Variants in DLL1 observed in about 807,000 individuals in gnomAD.
The protein encoded by DLL1 is delta-like protein 1.
DLL1 carries 9 observed loss-of-function variants against 75.1 expected under a neutral mutation model. The ratio of observed to expected loss-of-function variants is 0.12; its 90% CI spans 0.07 to 0.21. DLL1 has a LOEUF of 0.21. Among genes scored for constraint, DLL1 ranks in the 10% least tolerant of loss-of-function variants. DLL1 has a pLI of 1.00. For synonymous variants in DLL1, 477 were observed against 418.3 expected (o/e 1.14, Z -1.71); for missense variants, 837 against 1,007.6 (o/e 0.83, Z 2.29).
In DLL1 at chr6:170,283,835, CG is replaced by C; in HGVS notation, c.1443del (p.Val482SerfsTer55). ...CAGGGTGCGTGCTCGCACCTGCTGA[CG>C]GGGGCACTGCAGTTCCTGCCCGTGT... ...PGYTGRNCSA[P>X]VSRCEHAPCH... is the part of the protein sequence containing the mutation. On this transcript the variant is annotated frameshift_variant, in exon 9 of 11. Transcript: ENST00000366756. LOFTEE classifies it high-confidence loss of function. The C allele has an allele frequency of 6.2e-7, 1 of 1,602,556 alleles. No individual in the cohort carries two copies.
chr6:170,287,761 G>A (rs1334559935), intron 4 of DLL1, among the ~76,000 whole-genome samples: 6 of 152,178 alleles, frequency 3.9e-5, no homozygotes, highest in Admixed American at 1.3e-4. Flanking sequence ...GGGAGTATCC[G>A]GAAAGGCGTT....
Position 170,290,580 on chromosome 6 carries a change from A to C in DLL1, c.-441T>G. The C allele has an allele frequency of 4.2e-6, 1 of 240,050 alleles. No individual in the cohort carries two copies. The highest frequency in any genetic ancestry group is 7.8e-6 in the Non-Finnish European group (1 of 127,854). 14.9% of individuals were successfully genotyped at this position (240,050 alleles called of 1,614,324 possible). Reference sequence around the variant, plus strand: ...AGCTGCAGAGCTTCCTCCCGAGCCGATTAGAAAGCCGCGGTCTGGAAATCC... The same window carrying C: ...AGCTGCAGAGCTTCCTCCCGAGCCGCTTAGAAAGCCGCGGTCTGGAAATCC... On this transcript the variant is annotated 5_prime_UTR_variant, in exon 1 of 11. Coordinates refer to ENST00000366756, the MANE Select transcript of DLL1 (RefSeq NM_005618.4). This position sits in a 1 kb window ranked among gnomAD's most constrained non-coding sequence, Gnocchi z 4.7.
intron 2 of DLL1, among the ~76,000 whole-genome samples, chr6:170,289,011 C>A (rs542460737): frequency 3.3e-5 from 5 of 152,166 alleles, no homozygotes; most frequent in Non-Finnish European, 7.3e-5. Context: ...CGTGTTTTTT[C>A]AGCCTGTACT....
intron 4 of DLL1, 30 bp from the exon 5 acceptor site, chr6:170,286,328 C>T: frequency 6.2e-7 from 1 of 1,614,130 alleles, no homozygotes. Flanking sequence ...AGGGTCAAGC[C>T]CCACGCCAAG....
rs961893688 is a variant in DLL1, at chr6:170,283,479, C to A, written c.1800G>T (p.Lys600Asn). 1 of 1,613,406 alleles carries A rather than the reference C, an allele frequency of 6.2e-7. No homozygotes were observed. Among genetic ancestry groups the A allele is most frequent in the Non-Finnish European group, 8.5e-7 (1 of 1,180,042 alleles). ...MNNLANCQRE[K>N]DISVSIIGAT... The stretch of plus-strand genomic sequence containing the variant: ...CCCCGATGATGCTGACTGAGATGTC[C>A]TTCTCACGCTGGCAGTTGGCCAGGT... The change falls in exon 9 of 11, where the codon AAG becomes AAT. Residue 600 changes from lysine to asparagine, a missense_variant. Lys to Asn is a moderately conservative substitution (Grantham distance 94). Coordinates refer to ENST00000366756, the MANE Select transcript of DLL1 (RefSeq NM_005618.4).
At chr6:170,286,711 TTGTC>T (rs1414581846) in intron 4 of DLL1, among the ~76,000 whole-genome samples, 1 of 151,968 alleles carries the variant, frequency 6.6e-6, no homozygotes, top group African/African-American at 2.4e-5. Flanking sequence ...AGCTGCTCCA[TTGTC>T]TGTCCTCCAC....
At position 170,288,754 on chromosome 6, in the gene DLL1, T is replaced by C; in HGVS notation, c.387A>G (p.Thr129=). 1 of 1,614,148 alleles carries C rather than the reference T, an allele frequency of 6.2e-7. No individual in the cohort carries two copies. The highest frequency in any genetic ancestry group is 8.5e-7 in the Non-Finnish European group (1 of 1,180,016). Residue 129 remains threonine (T), a synonymous_variant, in exon 3 of 11, where the codon ACA becomes ACG. Coordinates refer to ENST00000366756, the MANE Select transcript of DLL1 (RefSeq NM_005618.4). ...CTGTTGCGAGGTCATCAGGAGAATC[T>C]GTGTGGAGAGCTTCAATAATCAGAG... The part of the protein sequence containing the change: ...TFSLIIEALH[T]DSPDDLATEN...
chr6:170,287,236 G>A (rs1783723926), intron 4 of DLL1, among the ~76,000 whole-genome samples: 1 of 152,222 alleles, frequency 6.6e-6, no homozygotes, highest in Non-Finnish European at 1.5e-5. Context: ...AAGGCACTCA[G>A]TGAATGGGAA....
chr6:170,282,725 T>G lies in DLL1; in HGVS notation c.*149A>C. On this transcript the variant is annotated 3_prime_UTR_variant, in exon 11 of 11. Coordinates refer to ENST00000366756, the MANE Select transcript of DLL1 (RefSeq NM_005618.4). ...AGGCTGTCGGCAGGCGTCGAGGACC[T>G]CAGGAGGAGAACCTGCTCGGTCTGA... 2 of 1,382,384 alleles carry G rather than the reference T, an allele frequency of 1.4e-6. No individual in the cohort carries two copies. The highest frequency in any genetic ancestry group is 2.1e-6 in the Non-Finnish European group (2 of 974,318). 85.6% of individuals were successfully genotyped at this position (1,382,384 alleles called of 1,614,324 possible). A position where few individuals can be genotyped will look rare whatever the true frequency, so the allele number is the denominator to read the frequency against.
In DLL1 at chr6:170,288,781, G is replaced by A. The variant is rs757243221; in HGVS notation, c.360C>T (p.Phe120=). The change falls in exon 3 of 11, where the codon TTC becomes TTT. Residue 120 remains phenylalanine, a synonymous_variant. Transcript: ENST00000366756. ...FPFGFTWPGT[F]SLIIEALHTD... is the part of the protein sequence containing the mutation. ...TGTGGAGAGCTTCAATAATCAGAGA[G>A]AAGGTGCCCTGGGAGAGAGGGGAGA... 12 of 1,614,190 alleles carry A rather than the reference G, an allele frequency of 7.4e-6. No individual in the cohort carries two copies. Among genetic ancestry groups the A allele is most frequent in the Non-Finnish European group, 9.3e-6 (11 of 1,180,028 alleles).
intron 5 of DLL1, 72 bp downstream of exon 5, chr6:170,286,166 T>G: frequency 6.2e-7 from 1 of 1,601,498 alleles, no homozygotes; most frequent in Non-Finnish European, 8.6e-7. Flanking sequence ...GGGCTGTTTT[T>G]ACAAATACAC....
rs1157965953 is a variant in DLL1, at chr6:170,290,047, G to C, written c.54+39C>G. 2 of 1,557,722 alleles carry C rather than the reference G, an allele frequency of 1.3e-6. No homozygotes were observed. Reference sequence around the variant, plus strand: ...TGCCCCGCGCCCCGGCTACCCGTGAGACCCCGCGGGGCCGCGGCGCCCCCA... The same window carrying C: ...TGCCCCGCGCCCCGGCTACCCGTGACACCCCGCGGGGCCGCGGCGCCCCCA... On this transcript the variant is annotated intron_variant, in intron 1 of 10. Coordinates refer to ENST00000366756, the MANE Select transcript of DLL1 (RefSeq NM_005618.4). This position sits in a 1 kb window ranked among gnomAD's most constrained non-coding sequence, Gnocchi z 4.7.
Position 170,283,274 on chromosome 6 carries a change from C to G in DLL1, c.2005G>C (p.Gly669Arg). 6.2e-7 allele frequency: 1 copy of G among 1,613,120 alleles called. No individual in the cohort carries two copies. The highest frequency in any genetic ancestry group is 8.5e-7 in the Non-Finnish European group (1 of 1,179,982). The stretch of plus-strand genomic sequence containing the variant: ...GTCCCCTTCTCCTCCCCTGAGGAGC[C>G]CTGGGGCTGGCACTTGGTGTCACGC... ...SKRDTKCQPQGSSGEEKGTPT... is the reference protein window; with the variant it reads ...SKRDTKCQPQRSSGEEKGTPT... Residue 669 changes from glycine to arginine, a missense_variant, in exon 9 of 11, where the codon GGC becomes CGC. Coordinates refer to ENST00000366756, the MANE Select transcript of DLL1 (RefSeq NM_005618.4).
At position 170,290,295 on chromosome 6, in the gene DLL1, G is replaced by T; in HGVS notation, c.-156C>A. On this transcript the variant is annotated 5_prime_UTR_variant, in exon 1 of 11. Transcript: ENST00000366756. The surrounding 1 kb of genome is among the most constrained non-coding windows in gnomAD (Gnocchi z 4.7). ...GGACCCAGGACTTCTTTCTTTAAAA[G>T]CCGGTCTCCGCCTCTTCCCAAGGCC... 1.4e-6 allele frequency: 1 copy of T among 715,458 alleles called. No individual in the cohort carries two copies. Among genetic ancestry groups the T allele is most frequent in the Non-Finnish European group, 2.1e-6 (1 of 483,670 alleles). The allele number at this position is 715,458 out of a possible 1,614,324, so 44.3% of individuals were successfully genotyped here. A position where few individuals can be genotyped will look rare whatever the true frequency, so the allele number is the denominator to read the frequency against.
At chr6:170,284,847 G>T in intron 8 of DLL1, 72 bp downstream of exon 8, 1 of 1,465,618 alleles carries the variant, frequency 6.8e-7, no homozygotes, top group Non-Finnish European at 9.6e-7. Flanking sequence ...ACTCACAAAT[G>T]CTTGTTTTTA....
At position 170,288,453 on chromosome 6, in the gene DLL1, G is replaced by C. The variant is rs1056940010; in HGVS notation, c.456C>G (p.His152Gln). ...RLISRLATQR[H>Q]LTVGEEWSQD... ...GGGACCACTCCTCGCCCACCGTCAGGTGCCTCTGGGTGGCCAGGCGGCTGA... is the reference window on the plus strand; with the variant it reads ...GGGACCACTCCTCGCCCACCGTCAGCTGCCTCTGGGTGGCCAGGCGGCTGA... Residue 152 changes from histidine (H) to glutamine (Q), a missense_variant, in exon 4 of 11, where the codon CAC becomes CAG. Physicochemically the swap from His to Gln is conservative, Grantham distance 24. This residue lies in a region of DLL1 where 304 missense variants were observed against 461.9 expected (regional missense o/e 0.66). Coordinates refer to ENST00000366756, the MANE Select transcript of DLL1 (RefSeq NM_005618.4). The C allele has an allele frequency of 6.2e-7, 1 of 1,614,112 alleles. No individual in the cohort carries two copies. Among genetic ancestry groups the C allele is most frequent in the East Asian group, 2.2e-5 (1 of 44,890 alleles).
rs772940510 is a variant in DLL1, at chr6:170,283,036, C to T, written c.2118G>A (p.Ser706=). ...CSTSKDTKYQ[S]VYVISEEKDE... The stretch of plus-strand genomic sequence containing the variant: ...CCTTCTCCTCGGATATGACGTACAC[C>T]GACTGGTACTTGGTGTCTTTTGAAG... Residue 706 remains serine (S), a synonymous_variant, in exon 10 of 11, where the codon TCG becomes TCA. Transcript: ENST00000366756. 69 of 1,614,002 alleles carry T rather than the reference C, an allele frequency of 4.3e-5. No individual in the cohort carries two copies. Among genetic ancestry groups the T allele is most frequent in the South Asian group, 1.3e-4 (12 of 91,090 alleles).
intron 4 of DLL1, 43 bp from the exon 5 acceptor site, chr6:170,286,341 C>A: frequency 6.2e-7 from 1 of 1,613,040 alleles, no homozygotes; most frequent in South Asian, 1.1e-5. Flanking sequence ...ACGCCAAGTA[C>A]GTCCCAACAG....
chr6:170,285,657 G>T lies in DLL1; in HGVS notation c.774C>A (p.Ile258=). 1 of 1,614,062 alleles carries T rather than the reference G, an allele frequency of 6.2e-7. No homozygotes were observed. Among genetic ancestry groups the T allele is most frequent in the Non-Finnish European group, 8.5e-7 (1 of 1,180,034 alleles). ...TGCCATGGAGACAGCCTGGATAGCG[G>T]ATACACTCGTCACAGTACCGGCCCT... ...GWQGRYCDEC[I]RYPGCLHGTC... The change falls in exon 6 of 11, where the codon ATC becomes ATA. Residue 258 remains isoleucine (I), a synonymous_variant. Coordinates refer to ENST00000366756, the MANE Select transcript of DLL1 (RefSeq NM_005618.4).
Sources: gnomAD v4.1 joint callset for allele counts (sites outside exome capture counted in the v4.1 genomes callset) on GRCh38, gnomAD v4.1.1 for gene constraint, gnomAD v4.1.1 regional missense constraint, Gnocchi (gnomAD v3.1) non-coding constraint, MANE v1.5 for transcripts, NCBI Gene and HGNC (gene_info 2026-07-23, HGNC 2026-07-21) for gene names.